Variants in CFH observed in about 807,000 individuals in gnomAD.
CFH encodes the protein complement factor H, also known as H factor 1 (complement).
A neutral mutation model predicts 147.3 loss-of-function variants in CFH; 53 were observed. The observed-to-expected ratio is 0.36, with a 90% confidence interval of 0.29 to 0.45. CFH has a LOEUF of 0.45. CFH is among the 20% of genes least tolerant of loss of function. CFH has a pLI of 1.00. For missense variants in CFH, 1,380 were observed against 1,498.0 expected (o/e 0.92, Z 1.30); for synonymous variants, 536 against 489.4 (o/e 1.10, Z -1.26).
At chr1:196,710,157 C>G (rs1015207908) in intron 9 of CFH, among the ~76,000 whole-genome samples, 8 of 152,080 alleles carry the variant, frequency 5.3e-5, no homozygotes, top group Non-Finnish European at 7.4e-5. Context: ...TTACCCTGAC[C>G]AATTGACAAC....
At chr1:196,726,049 G>C (rs1224034520) in intron 12 of CFH, among the ~76,000 whole-genome samples, 1 of 152,138 alleles carries the variant, frequency 6.6e-6, no homozygotes, top group South Asian at 2.1e-4. Flanking sequence ...GTTTCACCGG[G>C]TGTGTCTAAA....
chr1:196,685,832 A>G (rs933504245), intron 7 of CFH, among the ~76,000 whole-genome samples: 1 of 152,106 alleles, frequency 6.6e-6, no homozygotes, highest in East Asian at 1.9e-4. Context: ...CAGCACTGCT[A>G]ATCTGAGAAT....
intron 2 of CFH, among the ~76,000 whole-genome samples, 187 bp from the exon 3 acceptor site, chr1:196,673,670 C>T (rs1667360582): frequency 6.6e-6 from 1 of 152,002 alleles, no homozygotes; most frequent in African/African-American, 2.4e-5. Flanking sequence ...GGTGGTCATC[C>T]TCCAAAATTA....
At chr1:196,707,353 A>G (rs1005770431) in intron 9 of CFH, among the ~76,000 whole-genome samples, 1 of 152,164 alleles carries the variant, frequency 6.6e-6, no homozygotes. Context: ...ATACACATAA[A>G]TAAATTAGAT....
chr1:196,720,982 T>C (rs1668984268), intron 11 of CFH, among the ~76,000 whole-genome samples: 1 of 152,006 alleles, frequency 6.6e-6, no homozygotes. Context: ...TTTTTGACTA[T>C]TTGACAGTGG....
At chr1:196,655,435 T>A in intron 1 of CFH, among the ~76,000 whole-genome samples, 1 of 152,230 alleles carries the variant, frequency 6.6e-6, no homozygotes, top group East Asian at 1.9e-4. Context: ...CTACATATAA[T>A]TTAAACTAAA....
intron 6 of CFH, among the ~76,000 whole-genome samples, chr1:196,683,776 G>A (rs760415270): frequency 9.2e-5 from 14 of 151,788 alleles, no homozygotes; most frequent in Non-Finnish European, 1.2e-4. Flanking sequence ...AGAAGTATAG[G>A]AAACTCACTA....
rs562891013 is a variant in CFH at position 196,741,371 on chromosome 1, G to C, written c.2957-504G>C. The C allele has an allele frequency of 2.3e-5, 4 of 175,834 alleles. No individual in the cohort carries two copies. In the South Asian group the frequency reaches 5.0e-4, roughly 22 times the overall value. 10.9% of individuals were successfully genotyped at this position (175,834 alleles called of 1,614,324 possible). ...GGGGAAGCAGGCACCTTCTTCACAA[G>C]GTGGCAGGAGAGAGAGGAGTGAGTG... is the stretch of plus-strand genomic sequence containing the variant. On this transcript the variant is annotated intron_variant, in intron 18 of 21. Coordinates refer to ENST00000367429, the MANE Select transcript of CFH (RefSeq NM_000186.4).
intron 15 of CFH, among the ~76,000 whole-genome samples, chr1:196,734,767 T>C (rs1419334583): frequency 6.6e-6 from 1 of 151,862 alleles, no homozygotes; most frequent in Non-Finnish European, 1.5e-5. Flanking sequence ...TGTTTTTACT[T>C]TGTCCTCAAT....
At chr1:196,686,244 A>C (rs1322421890) in intron 7 of CFH, among the ~76,000 whole-genome samples, 1 of 152,104 alleles carries the variant, frequency 6.6e-6, no homozygotes, top group Non-Finnish European at 1.5e-5. Flanking sequence ...TTATCTACTC[A>C]CACACTGTTA....
Position 196,690,097 on chromosome 1 carries a change from T to C in CFH, c.1194T>C (p.Tyr398=). 6.2e-7 allele frequency: 1 copy of C among 1,611,356 alleles called. No homozygotes were observed. The highest frequency in any genetic ancestry group is 8.5e-7 in the Non-Finnish European group (1 of 1,177,952). ...ATTTTCCTTATTTGGAAAATGGATA[T>C]AATCAAAATCATGGAAGAAAGTTTG... is the stretch of plus-strand genomic sequence containing the variant. ...KCYFPYLENG[Y]NQNHGRKFVQ... Residue 398 remains tyrosine (Y), a synonymous_variant, in exon 9 of 22, where the codon TAT becomes TAC. Transcript: ENST00000367429.
At chr1:196,697,483 G>A (rs1351799058) in intron 9 of CFH, among the ~76,000 whole-genome samples, 18 of 152,080 alleles carry the variant, frequency 1.2e-4, no homozygotes, top group South Asian at 4.1e-4. Context: ...TTAGAATGGC[G>A]ATCATTAAAA....
intron 1 of CFH, among the ~76,000 whole-genome samples, chr1:196,658,407 A>ATTTTTTTTTTTTTTTTTGTTTTTTTTT: frequency 1.1e-5 from 1 of 92,276 alleles, no homozygotes; most frequent in Non-Finnish European, 2.0e-5. Context: ...TGCTCAGGTA[A>ATTTTTTTTTTTTTTTTTGTTTTTTTTT]TTTTTTTTTT....
Position 196,742,154 on chromosome 1 carries a change from C to T in CFH, c.3133+103C>T. Reference sequence around the variant, plus strand: ...CTTTGGGAGGCCGAGGTGGGCGGATCACTTGAGGTCAGGAGTTCGAGACCA... The same window carrying T: ...CTTTGGGAGGCCGAGGTGGGCGGATTACTTGAGGTCAGGAGTTCGAGACCA... On this transcript the variant is annotated intron_variant, in intron 19 of 21. Coordinates refer to ENST00000367429, the MANE Select transcript of CFH (RefSeq NM_000186.4). 4 of 1,067,876 alleles carry T rather than the reference C, an allele frequency of 3.7e-6. No homozygotes were observed. In the South Asian group the frequency reaches 3.9e-5, roughly 10 times the overall value. 66.2% of individuals were successfully genotyped at this position (1,067,876 alleles called of 1,614,324 possible). A position where few individuals can be genotyped will look rare whatever the true frequency, so the allele number is the denominator to read the frequency against.
At chr1:196,745,211 T>C (rs1254493201) in intron 20 of CFH, among the ~76,000 whole-genome samples, 1 of 152,174 alleles carries the variant, frequency 6.6e-6, no homozygotes, top group Non-Finnish European at 1.5e-5. Context: ...TACCTTATGG[T>C]CAAAATGGGA....
intron 9 of CFH, among the ~76,000 whole-genome samples, chr1:196,702,023 T>C (rs1668469234): frequency 6.6e-6 from 1 of 152,228 alleles, no homozygotes; most frequent in African/African-American, 2.4e-5. Context: ...TAATGTTTTA[T>C]GTTGCTTTGG....
chr1:196,746,984 G>A, intron 21 of CFH, 127 bp from the exon 22 acceptor site: 2 of 1,487,518 alleles, frequency 1.3e-6, no homozygotes, highest in Non-Finnish European at 1.8e-6. Flanking sequence ...TTTCTACATA[G>A]TTGGTTTGGA....
intron 15 of CFH, among the ~76,000 whole-genome samples, chr1:196,732,678 C>T (rs541865886): frequency 6.6e-6 from 1 of 152,012 alleles, no homozygotes; most frequent in South Asian, 2.1e-4. Context: ...TTTGTGCGGA[C>T]TGCTGTCTCT....
intron 9 of CFH, among the ~76,000 whole-genome samples, chr1:196,692,772 TTC>T (rs1446123197): frequency 2.3e-4 from 19 of 81,524 alleles, no homozygotes; most frequent in African/African-American, 8.9e-4. Flanking sequence ...CTTTCTTTCT[TTC>T]TTTCTTTCTT....
Sources: gnomAD v4.1 joint callset for allele counts (sites outside exome capture counted in the v4.1 genomes callset) on GRCh38, gnomAD v4.1.1 for gene constraint, MANE v1.5 for transcripts, NCBI Gene and HGNC (gene_info 2026-07-23, HGNC 2026-07-21) for gene names.